The following GRM8 variants were observed in gnomAD, a reference collection of about 807,000 sequenced individuals.
GRM8 encodes the protein glutamate metabotropic receptor 8.
A neutral mutation model predicts 87.2 loss-of-function variants in GRM8; 47 were observed. That is an observed-to-expected ratio of 0.54 (90% CI 0.43 to 0.69). The LOEUF (loss-of-function observed/expected upper bound fraction) is 0.69, where lower values mean the gene tolerates loss of function less well. GRM8 is among the 30% of genes least tolerant of loss of function. The probability of loss-of-function intolerance (pLI) is 0.00; values close to 1 mark genes in which losing one functional copy is unlikely to be tolerated. For synonymous variants in GRM8, 396 were observed against 404.5 expected (o/e 0.98, Z 0.25); for missense variants, 1,019 against 1,139.2 (o/e 0.89, Z 1.52).
chr7:126,465,897 A>T (rs1002475536), intron 9 of GRM8, among the ~76,000 whole-genome samples: 1 of 151,924 alleles, frequency 6.6e-6, no homozygotes, highest in East Asian at 1.9e-4. Context: ...TTTTTCCCAA[A>T]TCCAGGAAGA....
chr7:126,944,001 A>G (rs1262366762), intron 3 of GRM8, among the ~76,000 whole-genome samples: 5 of 152,250 alleles, frequency 3.3e-5, no homozygotes, highest in Non-Finnish European at 7.3e-5. Context: ...CTGTCTTTCC[A>G]GGTAGATCTG....
At chr7:127,240,276 G>C (rs921233461) in intron 2 of GRM8, among the ~76,000 whole-genome samples, 8 of 152,144 alleles carry the variant, frequency 5.3e-5, no homozygotes, top group African/African-American at 1.7e-4. Context: ...CTTGCCTTCA[G>C]GTGGCCTGGA....
rs141734047 is a variant in GRM8 at position 126,631,175 on chromosome 7, A to T, written c.1358-21677T>A. On this transcript the variant is annotated intron_variant, in intron 7 of 10. Coordinates refer to ENST00000339582, the MANE Select transcript of GRM8 (RefSeq NM_000845.3). ...TAAAAGATTCTTATGTTGATAAACC[A>T]CTACTGCAAAGTCTCATGATACAAA... 2.5e-3 allele frequency among the ~76,000 whole-genome samples: 381 copies of T among 152,316 alleles called. 4 individuals are homozygous for T. Among genetic ancestry groups the T allele is most frequent in the African/African-American group, 8.8e-3 (366 of 41,584 alleles).
chr7:127,118,398 G>A (rs557115800), intron 2 of GRM8: 4 of 152,262 alleles, frequency 2.6e-5, no homozygotes, highest in African/African-American at 7.2e-5. Flanking sequence ...TATCCAAAGG[G>A]CAATACATTA....
intron 7 of GRM8, among the ~76,000 whole-genome samples, chr7:126,636,478 A>G: frequency 6.6e-6 from 1 of 152,264 alleles, no homozygotes; most frequent in South Asian, 2.1e-4. Flanking sequence ...ACTGTATTGT[A>G]TAGGTAATAA....
intron 3 of GRM8, among the ~76,000 whole-genome samples, chr7:126,910,292 C>A (rs1408300380): frequency 6.6e-6 from 1 of 151,974 alleles, no homozygotes; most frequent in Non-Finnish European, 1.5e-5. Flanking sequence ...TTTGTTACTT[C>A]TTTTTCTTTT....
At chr7:126,463,631 C>T (rs1804151315) in intron 9 of GRM8, among the ~76,000 whole-genome samples, 1 of 151,638 alleles carries the variant, frequency 6.6e-6, no homozygotes, top group African/African-American at 2.4e-5. Flanking sequence ...AGAATCATTT[C>T]AGGTACTTCA....
chr7:126,533,463 A>G lies in GRM8; in HGVS notation c.1919T>C (p.Ile640Thr). The G allele has an allele frequency of 4.3e-6, 7 of 1,614,114 alleles. No homozygotes were observed. Among genetic ancestry groups the G allele is most frequent in the Non-Finnish European group, 5.9e-6 (7 of 1,180,000 alleles). The change falls in exon 9 of 11, where the codon ATT becomes ACT. Residue 640 changes from isoleucine (I) to threonine (T), a missense_variant. Ile to Thr is a moderately conservative substitution (Grantham distance 89). Coordinates refer to ENST00000339582, the MANE Select transcript of GRM8 (RefSeq NM_000845.3). ...FLCYSITFLM[I>T]AAPDTIICSF... ...GCATATGATTGTATCTGGTGCTGCAATCATTAAAAACGTGATTGAATAACA... is the reference window on the plus strand; with the variant it reads ...GCATATGATTGTATCTGGTGCTGCAGTCATTAAAAACGTGATTGAATAACA...
chr7:126,789,268 G>T (rs967358795), intron 6 of GRM8, among the ~76,000 whole-genome samples: 9 of 151,704 alleles, frequency 5.9e-5, no homozygotes, highest in Admixed American at 3.3e-4. Context: ...ACAATACAGA[G>T]TAATTACTAT....
At chr7:126,640,236 G>A (rs1376133302) in intron 7 of GRM8, among the ~76,000 whole-genome samples, 1 of 152,112 alleles carries the variant, frequency 6.6e-6, no homozygotes, top group African/African-American at 2.4e-5. Flanking sequence ...GCAATTAATG[G>A]CTGGAGTTCT....
At chr7:126,975,398 T>C (rs2131813227) in intron 3 of GRM8, among the ~76,000 whole-genome samples, 1 of 152,338 alleles carries the variant, frequency 6.6e-6, no homozygotes, top group South Asian at 2.1e-4. Context: ...GAAGGGAGGA[T>C]GATGAAGGTC....
At chr7:126,878,924 A>G (rs1028529183) in intron 6 of GRM8, among the ~76,000 whole-genome samples, 39 of 149,414 alleles carry the variant, frequency 2.6e-4, no homozygotes, top group African/African-American at 9.5e-4. Flanking sequence ...GCACTTTGGG[A>G]GGTGGAGGCA....
chr7:127,143,629 G>A lies in GRM8; in HGVS notation c.511-36917C>T, dbSNP rs78984317. On this transcript the variant is annotated intron_variant, in intron 2 of 10. Transcript: ENST00000339582. ...TACAGAGGTTAAAAAATTTGCCCAT[G>A]ATCATTTGGCTAAGTGGCAGAGCTA... is the stretch of plus-strand genomic sequence containing the variant. Among the ~76,000 whole-genome samples the A allele has an allele frequency of 2.0e-4, 30 of 152,196 alleles. No individual in the cohort carries two copies. In the East Asian group the frequency reaches 5.8e-3, roughly 29 times the overall value.
chr7:127,058,067 G>A (rs1370807538), intron 3 of GRM8: 2 of 452,550 alleles, frequency 4.4e-6, no homozygotes, highest in East Asian at 7.0e-5. Flanking sequence ...AAACCCTTCT[G>A]GAATCACGTC....
At chr7:126,680,764 T>C (rs1164591325) in intron 7 of GRM8, among the ~76,000 whole-genome samples, 1 of 152,226 alleles carries the variant, frequency 6.6e-6, no homozygotes, top group Non-Finnish European at 1.5e-5. Flanking sequence ...TTTGTGGTTT[T>C]CCCAGAAATA....
chr7:127,229,964 T>C (rs182946081), intron 2 of GRM8: 2 of 152,272 alleles, frequency 1.3e-5, no homozygotes, highest in Non-Finnish European at 2.9e-5. Flanking sequence ...CTACATTGAA[T>C]GATAACCGTG....
At chr7:127,080,452 A>G (rs1316825686) in intron 3 of GRM8, among the ~76,000 whole-genome samples, 1 of 152,218 alleles carries the variant, frequency 6.6e-6, no homozygotes, top group Non-Finnish European at 1.5e-5. Flanking sequence ...ATAGGAAACT[A>G]GCACATCCCC....
chr7:126,813,894 C>T (rs775332165), intron 6 of GRM8, among the ~76,000 whole-genome samples: 8 of 152,078 alleles, frequency 5.3e-5, no homozygotes, highest in African/African-American at 1.2e-4. Context: ...ATTTGTAATG[C>T]ATTGTCCCTT....
intron 9 of GRM8, among the ~76,000 whole-genome samples, chr7:126,507,828 C>G (rs1307884801): frequency 6.6e-6 from 1 of 151,982 alleles, no homozygotes; most frequent in African/African-American, 2.4e-5. Context: ...ACCTCATCTT[C>G]AACCCTAATT....
Sources: gnomAD v4.1 joint callset for allele counts (sites outside exome capture counted in the v4.1 genomes callset) on GRCh38, gnomAD v4.1.1 for gene constraint, MANE v1.5 for transcripts, NCBI Gene and HGNC (gene_info 2026-07-23, HGNC 2026-07-21) for gene names.